The following MBNL2 variants were observed in gnomAD, a reference collection of about 807,000 sequenced individuals.
MBNL2 encodes the protein muscleblind-like protein 2.
A neutral mutation model predicts 41.9 loss-of-function variants in MBNL2; 17 were observed. The observed-to-expected ratio is 0.41, with a 90% CI of 0.28 to 0.61. The LOEUF (loss-of-function observed/expected upper bound fraction) is 0.61. MBNL2 is among the 20% of genes least tolerant of loss of function. The pLI, the probability that MBNL2 is intolerant of heterozygous loss-of-function variation, is 0.35. For synonymous variants in MBNL2, 195 were observed against 182.9 expected (o/e 1.07, Z -0.53); for missense variants, 336 against 505.6 (o/e 0.66, Z 3.22).
chr13:97,158,140 A>G, the MBNL2 span, among the ~76,000 whole-genome samples: 2 of 152,076 alleles, frequency 1.3e-5, no homozygotes, highest in African/African-American at 4.8e-5. Context: ...GTATGTGTCA[A>G]GGAATTTATC....
chr13:97,364,262 A>G (rs1392775586), intron 7 of MBNL2, among the ~76,000 whole-genome samples: 1 of 152,198 alleles, frequency 6.6e-6, no homozygotes. Context: ...TGCCAACTTG[A>G]GATTTCCTAG....
rs1594208187 is a variant in MBNL2, at chr13:97,322,003, T to C, written c.175-12273T>C. On this transcript the variant is annotated intron_variant, in intron 2 of 8. Transcript: ENST00000679496. ...AAGCACTTAGAAACTGCCTGGTAGATGATATGTACAACGTTATATAAGTCT... is the reference window on the plus strand; with the variant it reads ...AAGCACTTAGAAACTGCCTGGTAGACGATATGTACAACGTTATATAAGTCT... 8.5e-5 allele frequency among the ~76,000 whole-genome samples: 13 copies of C among 152,346 alleles called. No individual in the cohort carries two copies. In the South Asian group the frequency reaches 2.7e-3, roughly 32 times the overall value.
chr13:97,275,237 A>G lies in MBNL2; in HGVS notation c.-604-395A>G, dbSNP rs1566382915. Among the ~76,000 whole-genome samples the G allele has an allele frequency of 2.6e-5, 4 of 152,212 alleles. No individual in the cohort carries two copies. In the South Asian group the frequency reaches 8.3e-4, roughly 32 times the overall value. On this transcript the variant is annotated intron_variant, in intron 1 of 8. Coordinates refer to ENST00000679496, the MANE Select transcript of MBNL2 (RefSeq NM_001382683.1). ...TTCAAAATGACAATATCTTTATTACATAGGAGGGACACATCCCAAATAATT... is the reference window on the plus strand; with the variant it reads ...TTCAAAATGACAATATCTTTATTACGTAGGAGGGACACATCCCAAATAATT...
chr13:97,322,924 AC>A (rs1480489745), intron 2 of MBNL2, among the ~76,000 whole-genome samples: 1 of 151,998 alleles, frequency 6.6e-6, no homozygotes, highest in Non-Finnish European at 1.5e-5. Flanking sequence ...AGTCTCAGAA[AC>A]CCCCTGCTGT....
chr13:97,388,314 C>CATACATATATATATATATATAT (rs1555323244), intron 8 of MBNL2, among the ~76,000 whole-genome samples: 3 of 139,720 alleles, frequency 2.1e-5, no homozygotes, highest in African/African-American at 8.0e-5. Flanking sequence ...TACATACATA[C>CATACATATATATATATATATAT]ATATATATAT....
intron 1 of MBNL2, among the ~76,000 whole-genome samples, chr13:97,249,080 T>A (rs546541026): frequency 9.8e-5 from 15 of 152,352 alleles, no homozygotes; most frequent in South Asian, 6.2e-4. Context: ...ACTTAGTTTT[T>A]AAAAACACAT....
Position 97,275,646 on chromosome 13 carries a change from A to G in MBNL2, c.-590A>G, listed in dbSNP as rs2052041489. ...CTGTTTTGCAGGTTTATCATTTAAA[A>G]GTGCCTGTGTGAAGTCACTTTTGCT... On this transcript the variant is annotated 5_prime_UTR_variant, in exon 2 of 9. Coordinates refer to ENST00000679496, the MANE Select transcript of MBNL2 (RefSeq NM_001382683.1). The G allele has an allele frequency of 6.6e-6, 1 of 152,240 alleles. No individual in the cohort carries two copies. The allele number at this position is 152,240 out of a possible 1,614,324, so 9.4% of individuals were successfully genotyped here. A position where few individuals can be genotyped will look rare whatever the true frequency, so the allele number is the denominator to read the frequency against.
chr13:97,148,249 TA>T, the MBNL2 span, among the ~76,000 whole-genome samples: 1 of 152,164 alleles, frequency 6.6e-6, no homozygotes, highest in Non-Finnish European at 1.5e-5. Flanking sequence ...CCTAAAAAGG[TA>T]GCTCTGCATT....
chr13:97,218,798 G>C (rs2040625695), upstream of MBNL2, among the ~76,000 whole-genome samples: 2 of 151,776 alleles, frequency 1.3e-5, no homozygotes, highest in South Asian at 2.1e-4. Flanking sequence ...AAAAGATTAA[G>C]TCCAGCTTGG....
At chr13:97,217,453 G>T (rs2040477075), upstream of MBNL2, among the ~76,000 whole-genome samples, 3 of 152,192 alleles carry the variant, frequency 2.0e-5, no homozygotes, top group African/African-American at 7.2e-5. Flanking sequence ...ATGTCAAGGT[G>T]CCGTGAGAGT....
At chr13:97,163,391 ACCT>A in the MBNL2 span, among the ~76,000 whole-genome samples, 4 of 152,038 alleles carry the variant, frequency 2.6e-5, no homozygotes, top group Non-Finnish European at 5.9e-5. Context: ...AGCCCTCACC[ACCT>A]AACTGGGATG....
chr13:97,365,322 T>C, intron 8 of MBNL2, 151 bp downstream of exon 8: 1 of 642,092 alleles, frequency 1.6e-6, no homozygotes, highest in East Asian at 2.7e-5. Context: ...TTTTTAAAAA[T>C]GTACTTGTAT....
intron 1 of MBNL2, among the ~76,000 whole-genome samples, chr13:97,263,876 C>T (rs1422667042): frequency 2.0e-5 from 3 of 152,070 alleles, no homozygotes; most frequent in Non-Finnish European, 2.9e-5. Context: ...CCTCGGCCTC[C>T]GAAAGTGCTC....
intron 2 of MBNL2, among the ~76,000 whole-genome samples, chr13:97,279,125 T>C (rs1358093838): frequency 6.6e-6 from 1 of 152,230 alleles, no homozygotes; most frequent in African/African-American, 2.4e-5. Context: ...ATGATAATTA[T>C]GAAGCTGTTT....
chr13:97,206,933 C>T, the MBNL2 span, among the ~76,000 whole-genome samples: 1 of 152,180 alleles, frequency 6.6e-6, no homozygotes, highest in African/African-American at 2.4e-5. Context: ...GGCTAAGCCT[C>T]AGTTTCCTCC....
intron 1 of MBNL2, among the ~76,000 whole-genome samples, chr13:97,224,615 C>G (rs1174718516): frequency 1.6e-5 from 2 of 125,116 alleles, no homozygotes; most frequent in Non-Finnish European, 3.2e-5. Flanking sequence ...ATTTTGAGAC[C>G]TTGACCTTTT....
the MBNL2 span, among the ~76,000 whole-genome samples, chr13:97,160,031 C>T: frequency 6.6e-6 from 1 of 152,130 alleles, no homozygotes. Context: ...CTTTCAGGTA[C>T]ACCAATCAGA....
intron 2 of MBNL2, among the ~76,000 whole-genome samples, chr13:97,318,187 C>A (rs1415362151): frequency 1.3e-5 from 2 of 152,182 alleles, no homozygotes; most frequent in African/African-American, 4.8e-5. Flanking sequence ...ATATTGTGAA[C>A]ACTAAGGAGA....
the MBNL2 span, among the ~76,000 whole-genome samples, chr13:97,168,741 G>A: frequency 3.9e-5 from 6 of 152,152 alleles, no homozygotes; most frequent in Non-Finnish European, 7.4e-5. Flanking sequence ...TTTTCTATCT[G>A]CATTTATTTA....
Sources: gnomAD v4.1 joint callset for allele counts (sites outside exome capture counted in the v4.1 genomes callset) on GRCh38, gnomAD v4.1.1 for gene constraint, MANE v1.5 for transcripts, NCBI Gene and HGNC (gene_info 2026-07-23, HGNC 2026-07-21) for gene names.